The following PDE4D variants were observed in gnomAD, a reference collection of about 807,000 sequenced individuals.
PDE4D encodes the protein 3',5'-cyclic-AMP phosphodiesterase 4D.
In PDE4D, 24 loss-of-function variants were observed where a neutral mutation model predicts 87.4. That is an observed-to-expected ratio of 0.27 (90% CI 0.20 to 0.39). The LOEUF is 0.39. Ranked by LOEUF, PDE4D falls within the 10% of genes least tolerant of loss-of-function variation. The pLI is 1.00. For missense variants in PDE4D, 714 were observed against 1,041.0 expected (o/e 0.69, Z 4.32); for synonymous variants, 384 against 383.2 (o/e 1.00, Z -0.02).
intron 3 of PDE4D, among the ~76,000 whole-genome samples, chr5:59,913,906 A>G (rs955080025): frequency 2.0e-5 from 3 of 152,166 alleles, no homozygotes; most frequent in Non-Finnish European, 4.4e-5. Flanking sequence ...TAGTTTTAAT[A>G]TAATTTGTGC....
At chr5:60,180,873 T>C (rs1323208139) in intron 2 of PDE4D, among the ~76,000 whole-genome samples, 3 of 152,132 alleles carry the variant, frequency 2.0e-5, no homozygotes, top group Non-Finnish European at 4.4e-5. Flanking sequence ...GCTGAGTGAA[T>C]ACCAGTGAAA....
At chr5:60,010,144 T>C (rs1431667815) in intron 2 of PDE4D, among the ~76,000 whole-genome samples, 1 of 152,090 alleles carries the variant, frequency 6.6e-6, no homozygotes, top group Non-Finnish European at 1.5e-5. Context: ...TTCCTCTTCT[T>C]CCTGAAAATT....
intron 1 of PDE4D, among the ~76,000 whole-genome samples, chr5:59,762,143 T>C (rs1022845762): frequency 2.0e-5 from 3 of 151,876 alleles, no homozygotes; most frequent in African/African-American, 7.3e-5. Flanking sequence ...TATAGATATA[T>C]ATATGTGTGT....
In PDE4D at chr5:59,430,905, A is replaced by G. The variant is rs563997434; in HGVS notation, c.456-214937T>C. 7.2e-5 allele frequency among the ~76,000 whole-genome samples: 11 copies of G among 152,322 alleles called. No homozygotes were observed. In the South Asian group the frequency reaches 1.4e-3, roughly 20 times the overall value. On this transcript the variant is annotated intron_variant, in intron 1 of 14. Transcript: ENST00000340635. Reference sequence around the variant, plus strand: ...TATTTTCGAAGAGGGAATATTGTTCACTAAACTGTTATAGATACTTAGAAA... The same window carrying G: ...TATTTTCGAAGAGGGAATATTGTTCGCTAAACTGTTATAGATACTTAGAAA...
chr5:59,738,984 G>A (rs1231173877), intron 1 of PDE4D, among the ~76,000 whole-genome samples: 2 of 151,954 alleles, frequency 1.3e-5, no homozygotes, highest in Non-Finnish European at 2.9e-5. Flanking sequence ...TGAGGGTGAG[G>A]AAAGCTTTTA....
At chr5:60,130,038 T>A (rs990189643) in intron 2 of PDE4D, among the ~76,000 whole-genome samples, 10 of 152,182 alleles carry the variant, frequency 6.6e-5, no homozygotes, top group African/African-American at 2.4e-4. Flanking sequence ...GAGACCTGAC[T>A]TGTCTCCTTC....
At chr5:59,613,329 G>C (rs553904522) in intron 1 of PDE4D, among the ~76,000 whole-genome samples, 2 of 152,138 alleles carry the variant, frequency 1.3e-5, no homozygotes, top group Admixed American at 6.5e-5. Context: ...CTTTGGTTTT[G>C]GACATGCTCA....
intron 1 of PDE4D, among the ~76,000 whole-genome samples, chr5:59,428,339 G>A (rs1047828353): frequency 2.6e-5 from 4 of 151,300 alleles, no homozygotes; most frequent in Admixed American, 6.6e-5. Context: ...TTTTTGTCCC[G>A]CAATCTCTGC....
chr5:60,229,141 T>C (rs1342028896), intron 1 of PDE4D, among the ~76,000 whole-genome samples: 3 of 152,122 alleles, frequency 2.0e-5, no homozygotes, highest in Non-Finnish European at 4.4e-5. Context: ...ATTGGAAAGC[T>C]GAAAATTTTG....
chr5:60,129,158 A>G (rs1779364481), intron 2 of PDE4D, among the ~76,000 whole-genome samples: 1 of 152,228 alleles, frequency 6.6e-6, no homozygotes, highest in South Asian at 2.1e-4. Context: ...TTAGAACAGC[A>G]CTAAAATTTA....
intron 1 of PDE4D, among the ~76,000 whole-genome samples, chr5:59,474,532 T>C (rs1802987812): frequency 6.6e-6 from 1 of 152,130 alleles, no homozygotes; most frequent in Admixed American, 6.6e-5. Context: ...GTGTCACTTC[T>C]AGGTGAAAGT....
At chr5:59,844,637 T>C (rs1412898151) in intron 1 of PDE4D, among the ~76,000 whole-genome samples, 2 of 152,016 alleles carry the variant, frequency 1.3e-5, no homozygotes, top group African/African-American at 2.4e-5. Context: ...AAATCCTTCC[T>C]TGTGGTAGGC....
chr5:58,976,490 A>G lies in PDE4D; in HGVS notation c.1708-18T>C. ...GCAAGTACCTTAAAATATAGAGTATATTATTAAGTTCAGAGAAAACAGAAT... is the reference window on the plus strand; with the variant it reads ...GCAAGTACCTTAAAATATAGAGTATGTTATTAAGTTCAGAGAAAACAGAAT... On this transcript the variant is annotated intron_variant, in intron 12 of 14. Coordinates refer to ENST00000340635, the MANE Select transcript of PDE4D (RefSeq NM_001104631.2). 6.6e-7 allele frequency: 1 copy of G among 1,519,516 alleles called. No individual in the cohort carries two copies. The highest frequency in any genetic ancestry group is 8.9e-7 in the Non-Finnish European group (1 of 1,119,320). 94.1% of individuals were successfully genotyped at this position (1,519,516 alleles called of 1,614,324 possible).
chr5:59,184,908 G>T (rs1447631673), intron 4 of PDE4D, among the ~76,000 whole-genome samples: 1 of 152,120 alleles, frequency 6.6e-6, no homozygotes, highest in Non-Finnish European at 1.5e-5. Flanking sequence ...AAACTATAAA[G>T]TTACCCTGAG....
At chr5:59,707,056 C>T (rs776931986) in intron 1 of PDE4D, among the ~76,000 whole-genome samples, 1 of 152,120 alleles carries the variant, frequency 6.6e-6, no homozygotes, top group Non-Finnish European at 1.5e-5. Context: ...AACCTCTCAA[C>T]CTTGTTAAAG....
At chr5:59,738,256 T>TA (rs1271268029) in intron 1 of PDE4D, among the ~76,000 whole-genome samples, 1 of 152,172 alleles carries the variant, frequency 6.6e-6, no homozygotes, top group Non-Finnish European at 1.5e-5. Flanking sequence ...GACATATTTG[T>TA]ACCAAACATC....
chr5:59,004,857 C>T (rs1420117439), intron 6 of PDE4D, among the ~76,000 whole-genome samples: 3 of 152,152 alleles, frequency 2.0e-5, no homozygotes, highest in African/African-American at 4.8e-5. Flanking sequence ...AGTCACTGTC[C>T]CCTGAAATTT....
intron 1 of PDE4D, among the ~76,000 whole-genome samples, chr5:59,398,973 C>T (rs1237353839): frequency 8.6e-6 from 1 of 116,860 alleles, no homozygotes; most frequent in Non-Finnish European, 1.8e-5. Flanking sequence ...AGTGAACTCC[C>T]ATTCACAATT....
chr5:59,819,674 C>T (rs180957055), intron 1 of PDE4D, among the ~76,000 whole-genome samples: 143 of 152,156 alleles, frequency 9.4e-4, no homozygotes, highest in Non-Finnish European at 1.5e-3. Flanking sequence ...GTGATTACAC[C>T]GTGAGTCAAA....
Sources: allele counts gnomAD v4.1 joint callset (sites outside exome capture counted in the v4.1 genomes callset), GRCh38; gene constraint gnomAD v4.1.1; transcripts MANE v1.5; gene names NCBI Gene and HGNC (gene_info 2026-07-23, HGNC 2026-07-21).